The following IQCB1 variants were observed in gnomAD, a reference collection of about 807,000 sequenced individuals.
IQCB1 encodes IQ motif containing B1.
In IQCB1, 56 loss-of-function variants were observed where a neutral mutation model predicts 84.4. The observed-to-expected ratio is 0.66, with a 90% CI of 0.54 to 0.83. IQCB1 has a LOEUF of 0.83. IQCB1 is among the 40% of genes least tolerant of loss of function. IQCB1 has a pLI of 0.00. For synonymous variants in IQCB1, 210 were observed against 234.8 expected, an observed-to-expected ratio of 0.89 and a Z score of 0.96; for missense variants, 629 against 682.1, an observed-to-expected ratio of 0.92 and a Z score of 0.87.
intron 7 of IQCB1, among the ~76,000 whole-genome samples, chr3:121,805,050 T>A (rs998314375): frequency 1.3e-5 from 2 of 152,210 alleles, no homozygotes; most frequent in African/African-American, 4.8e-5. Context: ...TTGAGTCTTA[T>A]ATGTCTGTAT....
At chr3:121,806,714 A>G (rs1949610747) in intron 7 of IQCB1, among the ~76,000 whole-genome samples, 2 of 152,064 alleles carry the variant, frequency 1.3e-5, no homozygotes, top group African/African-American at 2.4e-5. Context: ...TTAATATTGT[A>G]ATTTAATGTA....
intron 5 of IQCB1, among the ~76,000 whole-genome samples, chr3:121,809,937 T>C (rs1440112159): frequency 7.4e-6 from 1 of 135,648 alleles, no homozygotes; most frequent in Non-Finnish European, 1.6e-5. Context: ...GACTTGAATA[T>C]AACAATGGAA....
chr3:121,812,338 A>T (rs1324245223), intron 5 of IQCB1, among the ~76,000 whole-genome samples: 1 of 152,224 alleles, frequency 6.6e-6, no homozygotes, highest in East Asian at 1.9e-4. Context: ...AAAAGGCTGA[A>T]CATTCCAAAA....
chr3:121,786,220 C>T (rs899040065), intron 12 of IQCB1, among the ~76,000 whole-genome samples: 4 of 63,288 alleles, frequency 6.3e-5, no homozygotes, highest in Non-Finnish European at 1.0e-4. Context: ...GAAAAGGATG[C>T]TTTAAAAATA....
intron 5 of IQCB1, among the ~76,000 whole-genome samples, chr3:121,817,833 TAAGA>T (rs1024991517): frequency 6.6e-6 from 1 of 151,466 alleles, no homozygotes; most frequent in Non-Finnish European, 1.5e-5. Flanking sequence ...AGTGCCCTTA[TAAGA>T]AAGAAAGAAA....
chr3:121,796,105 A>G (rs1274810054), intron 9 of IQCB1, among the ~76,000 whole-genome samples: 1 of 152,134 alleles, frequency 6.6e-6, no homozygotes, highest in Non-Finnish European at 1.5e-5. Context: ...GGCAAAGGGT[A>G]CAACTATTAA....
chr3:121,773,236 C>T (rs540120119), intron 13 of IQCB1, among the ~76,000 whole-genome samples: 2 of 147,096 alleles, frequency 1.4e-5, no homozygotes, highest in African/African-American at 2.5e-5. Flanking sequence ...ATTACTTGAA[C>T]CTGGGAGGCA....
intron 2 of IQCB1, among the ~76,000 whole-genome samples, chr3:121,832,532 G>A (rs1384287488): frequency 6.6e-6 from 1 of 152,024 alleles, no homozygotes; most frequent in African/African-American, 2.4e-5. Flanking sequence ...TCACCATGTT[G>A]GCCAGGCTGG....
At chr3:121,815,004 ATCC>A (rs1372612171) in intron 5 of IQCB1, among the ~76,000 whole-genome samples, 1 of 152,232 alleles carries the variant, frequency 6.6e-6, no homozygotes, top group East Asian at 1.9e-4. Context: ...CAATGCGAAA[ATCC>A]TCAATAAAAT....
At chr3:121,825,325 G>A (rs1224291007) in intron 5 of IQCB1, among the ~76,000 whole-genome samples, 1 of 152,078 alleles carries the variant, frequency 6.6e-6, no homozygotes, top group Non-Finnish European at 1.5e-5. Flanking sequence ...CTCCCAAACT[G>A]CTGGGATTAC....
At chr3:121,792,034 C>T (rs1948996549) in intron 10 of IQCB1, among the ~76,000 whole-genome samples, 1 of 151,960 alleles carries the variant, frequency 6.6e-6, no homozygotes, top group African/African-American at 2.4e-5. Context: ...TGCAGTGAGC[C>T]AAGATCGTGC....
intron 13 of IQCB1, among the ~76,000 whole-genome samples, chr3:121,774,846 T>C (rs987744496): frequency 6.6e-6 from 1 of 152,166 alleles, no homozygotes; most frequent in Non-Finnish European, 1.5e-5. Flanking sequence ...ACAATATGAA[T>C]GTACTTAATG....
chr3:121,815,410 G>A (rs1005432739), intron 5 of IQCB1, among the ~76,000 whole-genome samples: 1 of 152,172 alleles, frequency 6.6e-6, no homozygotes, highest in Non-Finnish European at 1.5e-5. Context: ...GTTCTGGCCA[G>A]GGCAATCAGG....
At chr3:121,790,302 C>A in intron 10 of IQCB1, 87 bp from the exon 11 acceptor site, 1 of 1,251,360 alleles carries the variant, frequency 8.0e-7, no homozygotes, top group Non-Finnish European at 1.1e-6. Context: ...TAAATGTAAA[C>A]AGAAAAAATT....
At chr3:121,788,208 G>A in intron 12 of IQCB1, 76 bp downstream of exon 12, 1 of 1,392,482 alleles carries the variant, frequency 7.2e-7, no homozygotes, top group Non-Finnish European at 1.0e-6. Context: ...CTTTACAACA[G>A]GTAATTAGCA....
chr3:121,782,684 AT>A (rs71133569), intron 12 of IQCB1, among the ~76,000 whole-genome samples: 94,234 of 147,814 alleles, frequency 0.64, 30,120 homozygotes, highest in African/African-American at 0.71. Flanking sequence ...TACAAATAAC[AT>A]TTTTTTTTTT....
At chr3:121,829,040 T>C in intron 2 of IQCB1, 68 bp from the exon 3 acceptor site, 1 of 828,966 alleles carries the variant, frequency 1.2e-6, no homozygotes. Context: ...TAAATAATGT[T>C]TGAAATATAA....
chr3:121,770,587 G>T lies in IQCB1; in HGVS notation c.1568-13C>A. The stretch of plus-strand genomic sequence containing the variant: ...AGACTTGGTGCCTCTGTAGTGGACA[G>T]AAAATAAACAGATGAGCAGAAGAGT... On this transcript the variant is annotated splice_polypyrimidine_tract_variant and intron_variant, in intron 14 of 14. Transcript: ENST00000310864. The T allele has an allele frequency of 6.3e-7, 1 of 1,595,730 alleles. No individual in the cohort carries two copies. The highest frequency in any genetic ancestry group is 1.1e-5 in the South Asian group (1 of 90,362).
chr3:121,832,944 T>C (rs1950700670), intron 2 of IQCB1, among the ~76,000 whole-genome samples: 1 of 152,248 alleles, frequency 6.6e-6, no homozygotes, highest in South Asian at 2.1e-4. Context: ...TTTCATGCAC[T>C]ATGTATACAT....
Sources: allele counts gnomAD v4.1 joint callset (sites outside exome capture counted in the v4.1 genomes callset), GRCh38; gene constraint gnomAD v4.1.1; transcripts MANE v1.5; gene names NCBI Gene and HGNC (gene_info 2026-07-23, HGNC 2026-07-21).